The following MAGI3 variants were observed in gnomAD, a reference collection of about 807,000 sequenced individuals.
MAGI3 encodes the protein membrane-associated guanylate kinase, WW and PDZ domain-containing protein 3.
Under a neutral mutation model 121.8 loss-of-function variants are expected in MAGI3, and 43 were observed. The ratio of observed to expected loss-of-function variants is 0.35; its 90% CI spans 0.28 to 0.46. The LOEUF (loss-of-function observed/expected upper bound fraction) is 0.46, where lower values mean the gene tolerates loss of function less well. Ranked by LOEUF, MAGI3 falls within the 20% of genes least tolerant of loss-of-function variation. The pLI, the probability that MAGI3 is intolerant of heterozygous loss-of-function variation, is 1.00. For missense variants in MAGI3, 1,547 were observed against 1,797.3 expected (o/e 0.86, Z 2.52); for synonymous variants, 553 against 639.3 (o/e 0.86, Z 2.04).
At chr1:113,624,894 G>A (rs1030340243) in intron 9 of MAGI3, among the ~76,000 whole-genome samples, 6 of 152,230 alleles carry the variant, frequency 3.9e-5, no homozygotes, top group Middle Eastern at 3.4e-3. Flanking sequence ...TGTATACAGC[G>A]AGAGATAGAA....
chr1:113,588,894 A>T (rs1165410839), intron 4 of MAGI3, among the ~76,000 whole-genome samples: 1 of 152,200 alleles, frequency 6.6e-6, no homozygotes, highest in Non-Finnish European at 1.5e-5. Flanking sequence ...TTGGCTGCCA[A>T]GGGGTAAAGA....
At chr1:113,457,267 A>G (rs1003243517) in intron 1 of MAGI3, among the ~76,000 whole-genome samples, 3 of 152,116 alleles carry the variant, frequency 2.0e-5, no homozygotes, top group Non-Finnish European at 4.4e-5. Flanking sequence ...GCAGGTTTTC[A>G]TTTGCTTGAT....
chr1:113,409,836 T>C (rs928220342), intron 1 of MAGI3, among the ~76,000 whole-genome samples: 47 of 152,274 alleles, frequency 3.1e-4, no homozygotes, highest in Admixed American at 1.8e-3. Flanking sequence ...TAGGTTATAC[T>C]ATACTGATGT....
rs116171278 is a variant in MAGI3, at chr1:113,403,468, A to G, written c.316+12119A>G. ...AAATGATTAATTATGTTTTTAATATAATTTAATTGTAATTTTATGCAACTA... is the reference window on the plus strand; with the variant it reads ...AAATGATTAATTATGTTTTTAATATGATTTAATTGTAATTTTATGCAACTA... On this transcript the variant is annotated intron_variant, in intron 1 of 20. Coordinates refer to ENST00000307546, the MANE Select transcript of MAGI3 (RefSeq NM_001142782.2). 2.1e-3 allele frequency among the ~76,000 whole-genome samples: 315 copies of G among 152,204 alleles called. 4 individuals are homozygous for G. The highest frequency in any genetic ancestry group is 7.4e-3 in the African/African-American group (306 of 41,568).
chr1:113,628,600 T>C (rs947514531), intron 9 of MAGI3, among the ~76,000 whole-genome samples: 4 of 152,220 alleles, frequency 2.6e-5, no homozygotes, highest in Non-Finnish European at 5.9e-5. Flanking sequence ...GTAGGAGAGA[T>C]CTAGTGTTCA....
chr1:113,584,899 G>A (rs78880103), intron 3 of MAGI3, among the ~76,000 whole-genome samples: 2,595 of 150,716 alleles, frequency 0.017, 45 homozygotes, highest in South Asian at 0.041. Context: ...CCCTATTTCT[G>A]CTCTCTCTTC....
chr1:113,482,691 G>T, intron 1 of MAGI3, among the ~76,000 whole-genome samples: 1 of 138,562 alleles, frequency 7.2e-6, no homozygotes. Flanking sequence ...CTTATTTTCT[G>T]ACTAAATCTA....
At chr1:113,452,500 T>G (rs1489986055) in intron 1 of MAGI3, among the ~76,000 whole-genome samples, 2 of 150,786 alleles carry the variant, frequency 1.3e-5, no homozygotes, top group Non-Finnish European at 3.0e-5. Flanking sequence ...TGAAGCCTCA[T>G]TGTTCCCTTA....
intron 1 of MAGI3, among the ~76,000 whole-genome samples, chr1:113,513,005 A>G (rs577116742): frequency 3.7e-4 from 56 of 152,338 alleles, no homozygotes; most frequent in African/African-American, 1.3e-3. Context: ...GAGCCAAATC[A>G]TGAGTGAACT....
intron 1 of MAGI3, among the ~76,000 whole-genome samples, chr1:113,417,597 C>A (rs1038734861): frequency 1.3e-5 from 2 of 152,116 alleles, no homozygotes; most frequent in Middle Eastern, 3.2e-3. Context: ...TACTTTCCTA[C>A]TCCCTCCTCC....
chr1:113,638,317 A>G (rs755613393), intron 9 of MAGI3, among the ~76,000 whole-genome samples: 7 of 152,046 alleles, frequency 4.6e-5, no homozygotes, highest in Non-Finnish European at 1.0e-4. Flanking sequence ...TGCTTTTTAG[A>G]GTTTCCAGTT....
intron 2 of MAGI3, among the ~76,000 whole-genome samples, chr1:113,557,271 A>G (rs1429513260): frequency 6.6e-6 from 1 of 152,128 alleles, no homozygotes; most frequent in African/African-American, 2.4e-5. Context: ...GCCCACTGGC[A>G]CATACTATGG....
chr1:113,475,306 G>C (rs534219512), intron 1 of MAGI3, among the ~76,000 whole-genome samples: 1 of 152,242 alleles, frequency 6.6e-6, no homozygotes, highest in South Asian at 2.1e-4. Context: ...GGGCATCCCT[G>C]TCTTGTGCCA....
chr1:113,416,166 A>AATTAATGACACATATTATTATG (rs1557744032), intron 1 of MAGI3, among the ~76,000 whole-genome samples: 1 of 83,530 alleles, frequency 1.2e-5, no homozygotes, highest in African/African-American at 3.6e-5. Flanking sequence ...ACATATTATT[A>AATTAATGACACATATTATTATG]TGTAATTAAT....
In MAGI3 at chr1:113,600,680, C is replaced by G. The variant is rs59826399; in HGVS notation, c.1018+6120C>G. Among the ~76,000 whole-genome samples the G allele has an allele frequency of 2.3e-3, 344 of 152,332 alleles. 2 individuals carry two copies. Among genetic ancestry groups the G allele is most frequent in the African/African-American group, 7.5e-3 (311 of 41,572 alleles). On this transcript the variant is annotated intron_variant, in intron 6 of 20. Transcript: ENST00000307546. The stretch of plus-strand genomic sequence containing the variant: ...TTTATAGATTCAATGCCATCCCCAT[C>G]AAGCTACCAATGACTTTCTTCACAG...
Position 113,549,630 on chromosome 1 carries a change from A to G in MAGI3, c.432A>G (p.Pro144=). The G allele has an allele frequency of 6.7e-7, 1 of 1,502,086 alleles. No homozygotes were observed. Among genetic ancestry groups the G allele is most frequent in the Admixed American group, 1.8e-5 (1 of 55,332 alleles). The allele number at this position is 1,502,086 out of a possible 1,614,324, so 93.0% of individuals were successfully genotyped here. A position where few individuals can be genotyped will look rare whatever the true frequency, so the allele number is the denominator to read the frequency against. The stretch of plus-strand genomic sequence containing the variant: ...ATAATCTCTACTTGAGAACCATTCC[A>G]TGTAAGTATGTGATGGAATAAAAGA... The part of the protein sequence containing the change: ...IRDNLYLRTI[P]CTTRAPRDGE... Residue 144 remains proline, a splice_region_variant and synonymous_variant, in exon 2 of 21, where the codon CCA becomes CCG. Coordinates refer to ENST00000307546, the MANE Select transcript of MAGI3 (RefSeq NM_001142782.2).
At chr1:113,536,525 A>G (rs1659009424) in intron 1 of MAGI3, among the ~76,000 whole-genome samples, 1 of 152,154 alleles carries the variant, frequency 6.6e-6, no homozygotes, top group Non-Finnish European at 1.5e-5. Flanking sequence ...CTTTTTTCAA[A>G]TGATCACTGA....
chr1:113,653,920 C>T lies in MAGI3; in HGVS notation c.2531C>T (p.Pro844Leu), dbSNP rs931780759. ...RLNRAEVPAR[P>L]APQEPYDVVL... ...AACCGGGCAGAGGTCCCAGCCAGGCCTGCACCCCAGGAGCCCTATGATGTT... is the reference window on the plus strand; with the variant it reads ...AACCGGGCAGAGGTCCCAGCCAGGCTTGCACCCCAGGAGCCCTATGATGTT... Residue 844 changes from proline (P) to leucine (L), a missense_variant, in exon 15 of 21, where the codon CCT becomes CTT. Transcript: ENST00000307546. 5.6e-6 allele frequency: 9 copies of T among 1,613,972 alleles called. No homozygotes were observed. In the African/African-American group the frequency reaches 1.1e-4, roughly 19 times the overall value.
chr1:113,437,062 C>A (rs1183650526), intron 1 of MAGI3, among the ~76,000 whole-genome samples: 2 of 152,224 alleles, frequency 1.3e-5, no homozygotes, highest in East Asian at 3.9e-4. Context: ...GATCCGCCTG[C>A]CTTGGCCTCC....
Sources: allele counts gnomAD v4.1 joint callset (sites outside exome capture counted in the v4.1 genomes callset), GRCh38; gene constraint gnomAD v4.1.1; transcripts MANE v1.5; gene names NCBI Gene and HGNC (gene_info 2026-07-23, HGNC 2026-07-21).